Variants in NUTM2B observed in about 807,000 individuals in gnomAD.
NUTM2B encodes family with sequence similarity 22, member B.
Under a neutral mutation model 42.4 loss-of-function variants are expected in NUTM2B, and 2 were observed. That is an observed-to-expected ratio of 0.05 (90% CI 0.02 to 0.15). NUTM2B has a LOEUF of 0.15. Ranked by LOEUF, NUTM2B falls within the 10% of genes least tolerant of loss-of-function variation. NUTM2B has a pLI of 1.00. For synonymous variants in NUTM2B, 18 were observed against 402.4 expected (o/e 0.04, Z 11.43); for missense variants, 58 against 952.6 (o/e 0.06, Z 12.36).
At chr10:79,697,677 A>T in the NUTM2B span, among the ~76,000 whole-genome samples, 7 of 152,318 alleles carry the variant, frequency 4.6e-5, no homozygotes, top group East Asian at 1.4e-3. Context: ...TTTTTTTAAG[A>T]AAATCCTTTT....
chr10:79,700,915 C>A (rs1274013240), upstream of NUTM2B, among the ~76,000 whole-genome samples: 1 of 152,154 alleles, frequency 6.6e-6, no homozygotes, highest in African/African-American at 2.4e-5. Flanking sequence ...CCAGACAACG[C>A]CCCCTCATTG....
upstream of NUTM2B, among the ~76,000 whole-genome samples, chr10:79,700,348 T>G (rs1840292287): frequency 6.6e-6 from 1 of 152,260 alleles, no homozygotes; most frequent in African/African-American, 2.4e-5. Context: ...TTTCAACTGC[T>G]GAGGTTTTCT....
At chr10:79,695,637 G>A in the NUTM2B span, among the ~76,000 whole-genome samples, 2 of 152,036 alleles carry the variant, frequency 1.3e-5, no homozygotes. Context: ...TCATCTCGTG[G>A]AACGTATGTT....
chr10:79,710,911 T>C (rs1190959206), intron 5 of NUTM2B, 147 bp downstream of exon 5: 2 of 1,314,344 alleles, frequency 1.5e-6, no homozygotes, highest in African/African-American at 3.4e-5. Flanking sequence ...TGTGTGTCTG[T>C]GTGTTGCTGT....
chr10:79,709,711 C>T (rs1256909918), intron 3 of NUTM2B, 89 bp from the exon 4 acceptor site: 13 of 526,554 alleles, frequency 2.5e-5, no homozygotes, highest in Non-Finnish European at 4.2e-5. Flanking sequence ...CGAGGCACTC[C>T]CTCCTATCCC....
chr10:79,704,988 G>A (rs1393992766), intron 1 of NUTM2B, among the ~76,000 whole-genome samples: 4 of 151,578 alleles, frequency 2.6e-5, no homozygotes, highest in Non-Finnish European at 5.9e-5. Context: ...TGCATGTGCT[G>A]TATCCCTTAT....
chr10:79,700,398 G>C (rs866375426), upstream of NUTM2B, among the ~76,000 whole-genome samples: 3 of 139,094 alleles, frequency 2.2e-5, no homozygotes, highest in Admixed American at 7.1e-5. Context: ...AGGCACGGCC[G>C]AGACACACTT....
the NUTM2B span, among the ~76,000 whole-genome samples, chr10:79,694,612 G>A: frequency 1.3e-5 from 2 of 151,948 alleles, no homozygotes; most frequent in Non-Finnish European, 2.9e-5. Context: ...AGCTCTGCCC[G>A]TGTCACTTCA....
chr10:79,693,919 G>A, the NUTM2B span, among the ~76,000 whole-genome samples: 9 of 152,316 alleles, frequency 5.9e-5, no homozygotes, highest in Admixed American at 2.6e-4. Flanking sequence ...GATTCACCAC[G>A]AGGAAGAAAA....
chr10:79,695,389 C>T, the NUTM2B span, among the ~76,000 whole-genome samples: 1 of 152,208 alleles, frequency 6.6e-6, no homozygotes, highest in Non-Finnish European at 1.5e-5. Context: ...AAGAAAATGT[C>T]ACGTGCCTTT....
chr10:79,710,968 T>C (rs1218770423), intron 5 of NUTM2B, among the ~76,000 whole-genome samples: 39 of 134,690 alleles, frequency 2.9e-4, no homozygotes, highest in African/African-American at 1.1e-3. Context: ...TGTGTCTGTG[T>C]AGGTGTGAGT....
At chr10:79,700,934 A>G (rs1225128722), upstream of NUTM2B, among the ~76,000 whole-genome samples, 230 of 139,556 alleles carry the variant, frequency 1.6e-3, no homozygotes, top group South Asian at 7.7e-3. Flanking sequence ...TGGAACCTCC[A>G]TGACCGTGCC....
the NUTM2B span, among the ~76,000 whole-genome samples, chr10:79,694,407 A>G: frequency 6.6e-6 from 1 of 150,970 alleles, no homozygotes; most frequent in Non-Finnish European, 1.5e-5. Context: ...CAAAAAAAAA[A>G]AGAAAGAAAG....
intron 5 of NUTM2B, among the ~76,000 whole-genome samples, chr10:79,711,032 CTGTT>C (rs1482981220): frequency 8.0e-6 from 1 of 125,694 alleles, no homozygotes; most frequent in Non-Finnish European, 1.6e-5. Context: ...ATATGTGGGT[CTGTT>C]TGTGTGTCTG....
chr10:79,709,629 G>A (rs1840453284), intron 3 of NUTM2B, among the ~76,000 whole-genome samples, 171 bp from the exon 4 acceptor site: 1 of 132,996 alleles, frequency 7.5e-6, no homozygotes, highest in East Asian at 2.5e-4. Flanking sequence ...GGGAGGGTGA[G>A]CCCGGAACTC....
At chr10:79,702,309 C>T (rs1010200141), upstream of NUTM2B, among the ~76,000 whole-genome samples, 1 of 151,918 alleles carries the variant, frequency 6.6e-6, no homozygotes, top group Non-Finnish European at 1.5e-5. Flanking sequence ...AGGTCACTCC[C>T]CTCCCAGTGG....
At chr10:79,707,146 G>A (rs1418351036) in intron 2 of NUTM2B, among the ~76,000 whole-genome samples, 1 of 132,092 alleles carries the variant, frequency 7.6e-6, no homozygotes, top group South Asian at 3.1e-4. Context: ...GGGAGGAGCT[G>A]CAGGGCCCAG....
chr10:79,700,716 G>A (rs1170018781), upstream of NUTM2B, among the ~76,000 whole-genome samples: 1 of 152,178 alleles, frequency 6.6e-6, no homozygotes, highest in Non-Finnish European at 1.5e-5. Flanking sequence ...CTCTCGTGCT[G>A]CGCGTCTCCC....
At chr10:79,702,234 TG>T (rs1459888844), upstream of NUTM2B, among the ~76,000 whole-genome samples, 2 of 152,196 alleles carry the variant, frequency 1.3e-5, no homozygotes, top group African/African-American at 4.8e-5. Flanking sequence ...GAGGGCTGCA[TG>T]TAAGAAGGCA....
Sources: gnomAD v4.1 joint callset for allele counts (sites outside exome capture counted in the v4.1 genomes callset) on GRCh38, gnomAD v4.1.1 for gene constraint, MANE v1.5 for transcripts, NCBI Gene and HGNC (gene_info 2026-07-23, HGNC 2026-07-21) for gene names.